NHSL1: variants seen among roughly 807,000 people sequenced by gnomAD.
The protein encoded by NHSL1 is NHS like 1.
In NHSL1, 48 loss-of-function variants were observed where a neutral mutation model predicts 95.0. The observed-to-expected ratio is 0.51, with a 90% CI of 0.40 to 0.64. The LOEUF (loss-of-function observed/expected upper bound fraction) is 0.64, where lower values mean the gene tolerates loss of function less well. NHSL1 is among the 30% of genes least tolerant of loss of function. The pLI is 0.00. For synonymous variants in NHSL1, 783 were observed against 833.9 expected (o/e 0.94, Z 1.05); for missense variants, 1,971 against 2,077.7 (o/e 0.95, Z 1.00).
chr6:138,441,973 T>A lies in NHSL1; in HGVS notation c.664+10A>T. 1 of 1,547,376 alleles carries A rather than the reference T, an allele frequency of 6.5e-7. No individual in the cohort carries two copies. Among genetic ancestry groups the A allele is most frequent in the East Asian group, 2.5e-5 (1 of 40,708 alleles). ...GAAGGGCAACAGAATACAGTTCTGA[T>A]GAGCCATACCTAGCTCCTTCTGTAT... On this transcript the variant is annotated intron_variant, in intron 5 of 7. Coordinates refer to ENST00000343505, the MANE Select transcript of NHSL1 (RefSeq NM_001144060.2).
At chr6:138,666,102 G>A (rs545934466) in intron 1 of NHSL1, among the ~76,000 whole-genome samples, 3 of 152,240 alleles carry the variant, frequency 2.0e-5, no homozygotes, top group Non-Finnish European at 4.4e-5. Flanking sequence ...TCAGGAGTTC[G>A]AGACCAGCCT....
At chr6:138,486,676 T>A (rs1378318184) in intron 2 of NHSL1, among the ~76,000 whole-genome samples, 2 of 152,172 alleles carry the variant, frequency 1.3e-5, no homozygotes, top group Non-Finnish European at 2.9e-5. Flanking sequence ...CTGATCTCTC[T>A]CCTGTGTTTT....
chr6:138,550,763 G>A (rs750436372), intron 1 of NHSL1, among the ~76,000 whole-genome samples: 2 of 152,160 alleles, frequency 1.3e-5, no homozygotes, highest in African/African-American at 4.8e-5. Flanking sequence ...GAATTAGTGC[G>A]TCTAGATCAG....
Position 138,430,729 on chromosome 6 carries a change from G to A in NHSL1, c.3616C>T (p.Pro1206Ser). Reference protein sequence around the residue: ...SKKPKLFLVVPPPQKDFAVEP... With the variant: ...SKKPKLFLVVSPPQKDFAVEP... ...ACTGCAAAATCTTTCTGCGGAGGTG[G>A]TACCACCAGGAACAGTTTGGGCTTC... The change falls in exon 6 of 8, where the codon CCA (proline) becomes TCA (serine). Residue 1206 changes from proline to serine, a missense_variant. Around this residue, in one of 3 missense-constraint regions of NHSL1, gnomAD observed 1,602 missense variants for 1,654.5 expected, o/e 0.97. Transcript: ENST00000343505. The surrounding 1 kb of genome is among the most constrained non-coding windows in gnomAD (Gnocchi z 4.7). 1 of 1,551,746 alleles carries A rather than the reference G, an allele frequency of 6.4e-7. No homozygotes were observed. The highest frequency in any genetic ancestry group is 2.4e-5 in the East Asian group (1 of 40,906).
intron 1 of NHSL1, among the ~76,000 whole-genome samples, chr6:138,612,228 G>A (rs1784523613): frequency 1.3e-5 from 2 of 151,718 alleles, no homozygotes; most frequent in Middle Eastern, 3.4e-3. Context: ...AATTTGAAAT[G>A]CATATACCAT....
chr6:138,511,176 AC>A (rs1425130778), intron 1 of NHSL1, among the ~76,000 whole-genome samples: 2 of 152,234 alleles, frequency 1.3e-5, no homozygotes, highest in Non-Finnish European at 2.9e-5. Flanking sequence ...CAGAAAAATA[AC>A]AATGGCATTC....
chr6:138,590,831 T>A (rs1283036502), intron 1 of NHSL1, among the ~76,000 whole-genome samples: 1 of 152,130 alleles, frequency 6.6e-6, no homozygotes, highest in East Asian at 1.9e-4. Context: ...TAAGAAAAAA[T>A]TTAACTTTGT....
At chr6:138,548,949 T>C (rs1282820536), upstream of NHSL1, among the ~76,000 whole-genome samples, 3 of 150,604 alleles carry the variant, frequency 2.0e-5, no homozygotes, top group East Asian at 5.8e-4. Flanking sequence ...GGTTGAATAG[T>C]GTCCACCCCA....
At chr6:138,485,379 TTTG>T (rs768431191) in intron 2 of NHSL1, among the ~76,000 whole-genome samples, 1 of 151,628 alleles carries the variant, frequency 6.6e-6, no homozygotes, top group Non-Finnish European at 1.5e-5. Context: ...TCCGCAGTGC[TTTG>T]TTAAGACCTG....
At chr6:138,514,869 G>A (rs2128303769) in intron 1 of NHSL1, among the ~76,000 whole-genome samples, 1 of 152,288 alleles carries the variant, frequency 6.6e-6, no homozygotes, top group Admixed American at 6.5e-5. Flanking sequence ...GCTGCAGTGA[G>A]CTGTGGTCAC....
intron 1 of NHSL1, among the ~76,000 whole-genome samples, chr6:138,531,597 T>C (rs1782137486): frequency 6.6e-6 from 1 of 152,030 alleles, no homozygotes; most frequent in Non-Finnish European, 1.5e-5. Flanking sequence ...TGGCTCAATG[T>C]AGCCTTGACC....
Position 138,642,582 on chromosome 6 carries a change from C to T in NHSL1, c.96+49894G>A, listed in dbSNP as rs566078619. On this transcript the variant is annotated intron_variant, in intron 1 of 3. Transcript: ENST00000491526. ...AAAAAATATGATTATTCCAGATTGT[C>T]GTGAACCATGAAGTTTAGGCAAAGG... Among the ~76,000 whole-genome samples the T allele has an allele frequency of 4.6e-5, 7 of 152,208 alleles. No individual in the cohort carries two copies. In the South Asian group the frequency reaches 1.5e-3, roughly 32 times the overall value.
intron 1 of NHSL1, among the ~76,000 whole-genome samples, chr6:138,613,125 G>A (rs1348606428): frequency 6.6e-6 from 1 of 152,192 alleles, no homozygotes; most frequent in African/African-American, 2.4e-5. Flanking sequence ...AACAGGTATG[G>A]AACGCTGCCT....
At chr6:138,626,893 C>CAAAAAAA (rs71009593) in intron 1 of NHSL1, among the ~76,000 whole-genome samples, 1 of 7,770 alleles carries the variant, frequency 1.3e-4, no homozygotes, top group Non-Finnish European at 2.4e-4. Context: ...GACTCCGTCT[C>CAAAAAAA]AAAAAAAAAA....
At chr6:138,685,117 A>AT (rs560482270) in intron 1 of NHSL1, among the ~76,000 whole-genome samples, 43 of 152,196 alleles carry the variant, frequency 2.8e-4, no homozygotes, top group Middle Eastern at 6.8e-3. Flanking sequence ...CTTTTGTTAA[A>AT]TTTTTTCATT....
At chr6:138,497,448 A>G (rs1780422516) in intron 1 of NHSL1, among the ~76,000 whole-genome samples, 1 of 152,212 alleles carries the variant, frequency 6.6e-6, no homozygotes, top group South Asian at 2.1e-4. Flanking sequence ...TCTATGCTAT[A>G]GAGTTCACAC....
intron 2 of NHSL1, among the ~76,000 whole-genome samples, chr6:138,487,627 G>T (rs908834587): frequency 2.6e-5 from 4 of 152,190 alleles, no homozygotes; most frequent in Non-Finnish European, 5.9e-5. Flanking sequence ...AAGCCAATCA[G>T]AATTTTAGAG....
At chr6:138,448,145 C>T (rs566822433) in intron 3 of NHSL1, among the ~76,000 whole-genome samples, 1 of 152,284 alleles carries the variant, frequency 6.6e-6, no homozygotes, top group Non-Finnish European at 1.5e-5. Flanking sequence ...TTCTTCAATA[C>T]CTTTCTTTCC....
intron 3 of NHSL1, among the ~76,000 whole-genome samples, chr6:138,471,283 C>G (rs1340012416): frequency 6.6e-6 from 1 of 152,198 alleles, no homozygotes; most frequent in Non-Finnish European, 1.5e-5. Flanking sequence ...GGTCTCTACA[C>G]ACCCAGAAAC....
Sources: gnomAD v4.1 joint callset for allele counts (sites outside exome capture counted in the v4.1 genomes callset) on GRCh38, gnomAD v4.1.1 for gene constraint, gnomAD v4.1.1 regional missense constraint, Gnocchi (gnomAD v3.1) non-coding constraint, MANE v1.5 for transcripts, NCBI Gene and HGNC (gene_info 2026-07-23, HGNC 2026-07-21) for gene names.